The following ZNF595 variants were observed in gnomAD, a reference collection of about 807,000 sequenced individuals.
ZNF595 encodes the protein zinc finger protein 595.
Under a neutral mutation model 19.4 loss-of-function variants are expected in ZNF595, and 9 were observed. The ratio of observed to expected loss-of-function variants is 0.46; its 90% confidence interval spans 0.28 to 0.81. ZNF595 has a LOEUF of 0.81. Ranked by LOEUF, ZNF595 falls within the 30% of genes least tolerant of loss-of-function variation. ZNF595 has a pLI of 0.11. For synonymous variants in ZNF595, 255 were observed against 255.9 expected (o/e 1.00, Z 0.03); for missense variants, 729 against 736.0 (o/e 0.99, Z 0.11).
Position 86,868 on chromosome 4 carries a change from A to C in ZNF595, c.1364A>C (p.Glu455Ala). The C allele has an allele frequency of 1.9e-6, 3 of 1,613,928 alleles. No individual in the cohort carries two copies. Among genetic ancestry groups the C allele is most frequent in the Non-Finnish European group, 2.5e-6 (3 of 1,179,876 alleles). Residue 455 changes from glutamate (E) to alanine (A), a missense_variant, in exon 4 of 4, where the codon GAA (glutamate) becomes GCA (alanine). Glu to Ala is a moderately radical substitution (Grantham distance 107). Around this residue, in one of 2 missense-constraint regions of ZNF595, gnomAD observed 729 missense variants for 675.3 expected, o/e 1.08. Transcript: ENST00000610261. ...IHSGQKPYKC[E>A]ECGKAFTRST... is the part of the protein sequence containing the mutation. ...TCTGGGCAAAAACCTTACAAATGTG[A>C]AGAATGTGGCAAAGCCTTTACACGG...
In ZNF595 at chr4:85,743, C is replaced by T. The variant is rs1714108114; in HGVS notation, c.239C>T (p.Pro80Leu). 1 of 1,569,704 alleles carries T rather than the reference C, an allele frequency of 6.4e-7. No individual in the cohort carries two copies. Among genetic ancestry groups the T allele is most frequent in the Non-Finnish European group, 8.6e-7 (1 of 1,159,322 alleles). Residue 80 changes from proline to leucine, a missense_variant, in exon 4 of 4, where the codon CCT becomes CTT. Pro to Leu is a moderately conservative substitution (Grantham distance 98). This residue lies in a region of ZNF595 where 729 missense variants were observed against 675.3 expected (regional missense o/e 1.08). Transcript: ENST00000610261. ...TAAKPPAICS[P>L]FSQDLSPVQG... ...TTATTTCTTTCAGCTATATGTTCTCCTTTCAGCCAAGACCTTTCACCAGTG... is the reference window on the plus strand; with the variant it reads ...TTATTTCTTTCAGCTATATGTTCTCTTTTCAGCCAAGACCTTTCACCAGTG...
chr4:86,014 G>A lies in ZNF595; in HGVS notation c.510G>A (p.Glu170=). The A allele has an allele frequency of 6.2e-7, 1 of 1,608,750 alleles. No individual in the cohort carries two copies. The highest frequency in any genetic ancestry group is 1.7e-5 in the Admixed American group (1 of 58,918). Reference sequence around the variant, plus strand: ...AACATAAGATAAGACATACTGGAGAGAAACCCTTTAAATGTACAGAATGTG... The same window carrying A: ...AACATAAGATAAGACATACTGGAGAAAAACCCTTTAAATGTACAGAATGTG... ...SNKHKIRHTG[E]KPFKCTECGR... Residue 170 remains glutamate, a synonymous_variant, in exon 4 of 4, where the codon GAG becomes GAA. Transcript: ENST00000610261.
rs782612545 is a variant in ZNF595, at chr4:87,417, A to C, written c.1913A>C (p.His638Pro). ...AFNRPSTLTV[H>P]KRIHTGKEHS ...AATCGGCCCTCAACCCTTACTGTAC[A>C]CAAGCGAATTCATACTGGCAAGGAA... The change falls in exon 4 of 4, where the codon CAC (histidine) becomes CCC (proline). Residue 638 changes from histidine (H) to proline (P), a missense_variant. His to Pro is a moderately conservative substitution (Grantham distance 77, BLOSUM62 -2). Around this residue, in one of 2 missense-constraint regions of ZNF595, gnomAD observed 729 missense variants for 675.3 expected, o/e 1.08. Coordinates refer to ENST00000610261, the MANE Select transcript of ZNF595 (RefSeq NM_182524.4). 1.2e-6 allele frequency: 2 copies of C among 1,605,476 alleles called. No homozygotes were observed. Among genetic ancestry groups the C allele is most frequent in the Non-Finnish European group, 1.7e-6 (2 of 1,175,914 alleles).
intron 3 of ZNF595, among the ~76,000 whole-genome samples, chr4:76,862 C>T (rs901690120): frequency 6.6e-6 from 1 of 152,018 alleles, no homozygotes. Context: ...TTTCTTTTCT[C>T]TTGCTTCTTT....
At chr4:76,670 C>T (rs1339583457) in intron 3 of ZNF595, among the ~76,000 whole-genome samples, 2 of 152,034 alleles carry the variant, frequency 1.3e-5, no homozygotes, top group Non-Finnish European at 2.9e-5. Context: ...GAGAATATCT[C>T]GATTCATATT....
chr4:81,509 G>A (rs954241354), intron 3 of ZNF595, among the ~76,000 whole-genome samples: 3 of 152,054 alleles, frequency 2.0e-5, no homozygotes, highest in East Asian at 1.9e-4. Flanking sequence ...TTCAAAAACC[G>A]TCTTACCACT....
At chr4:82,841 A>G (rs1482159406) in intron 3 of ZNF595, among the ~76,000 whole-genome samples, 2 of 152,126 alleles carry the variant, frequency 1.3e-5, no homozygotes, top group African/African-American at 4.8e-5. Flanking sequence ...ATGGGTATGT[A>G]TTCTGCTTTT....
chr4:74,693 G>A (rs1553798409), intron 3 of ZNF595, among the ~76,000 whole-genome samples: 1 of 152,194 alleles, frequency 6.6e-6, no homozygotes, highest in Admixed American at 6.5e-5. Flanking sequence ...TGGGAAGACT[G>A]GAAGTGAGGA....
rs2108766219 is a variant in ZNF595, at chr4:87,795, A to G, written c.*344A>G. On this transcript the variant is annotated 3_prime_UTR_variant, in exon 4 of 4. Transcript: ENST00000610261. ...GAGCGCAGTGGTGCGATCTTGGCTC[A>G]CTGCAACCTCCACCTGCTGGGTTCA... is the stretch of plus-strand genomic sequence containing the variant. 6.9e-6 allele frequency: 1 copy of G among 145,768 alleles called. No homozygotes were observed. The highest frequency in any genetic ancestry group is 7.8e-5 in the Admixed American group (1 of 12,742). The allele number at this position is 145,768 out of a possible 1,614,324, so 9.0% of individuals were successfully genotyped here.
At position 87,091 on chromosome 4, in the gene ZNF595, T is replaced by C. The variant is rs556059716; in HGVS notation, c.1587T>C (p.Ile529=). Residue 529 remains isoleucine (I), a synonymous_variant, in exon 4 of 4, where the codon ATT becomes ATC. Transcript: ENST00000610261. The part of the protein sequence containing the change: ...QSSGLIIHRS[I]HSEQKLYKCE... ...CAGGCCTTATTATACACAGGAGCATTCATTCTGAACAAAAACTTTACAAAT... is the reference window on the plus strand; with the variant it reads ...CAGGCCTTATTATACACAGGAGCATCCATTCTGAACAAAAACTTTACAAAT... The C allele has an allele frequency of 6.2e-6, 10 of 1,612,504 alleles. No individual in the cohort carries two copies. In the East Asian group the frequency reaches 2.2e-4, roughly 36 times the overall value.
At chr4:74,363 G>T (rs1303781082) in intron 3 of ZNF595, among the ~76,000 whole-genome samples, 12 of 152,152 alleles carry the variant, frequency 7.9e-5, no homozygotes, top group African/African-American at 2.9e-4. Flanking sequence ...TTAGTGCTAT[G>T]CAAGTACATT....
rs1714286282 is a variant in ZNF595, at chr4:87,588, CTATT to C, written c.*138_*141del. On this transcript the variant is annotated 3_prime_UTR_variant, in exon 4 of 4. Coordinates refer to ENST00000610261, the MANE Select transcript of ZNF595 (RefSeq NM_182524.4). ...TTCTGTAGGTACATAGTATGTGTAT[CTATT>C]CATGGCTTATTTGGATTATTTTGAT... 4 of 674,470 alleles carry C rather than the reference CTATT, an allele frequency of 5.9e-6. No homozygotes were observed. The highest frequency in any genetic ancestry group is 7.2e-5 in the South Asian group (2 of 27,926). The allele number at this position is 674,470 out of a possible 1,614,324, so 41.8% of individuals were successfully genotyped here.
At chr4:68,733 C>T (rs1246457632) in intron 3 of ZNF595, among the ~76,000 whole-genome samples, 7 of 152,306 alleles carry the variant, frequency 4.6e-5, no homozygotes, top group South Asian at 2.1e-4. Context: ...TTCATTGCCT[C>T]AACTATTTGT....
At chr4:69,769 C>G (rs560361962) in intron 3 of ZNF595, among the ~76,000 whole-genome samples, 22 of 152,238 alleles carry the variant, frequency 1.4e-4, no homozygotes, top group Admixed American at 9.8e-4. Flanking sequence ...AGCTCTTTAA[C>G]TTGATGTGAT....
chr4:85,859 C>A lies in ZNF595; in HGVS notation c.355C>A (p.Arg119Ser), dbSNP rs782527343. ...TTTACAATTAAGAAAAGGCTGTAAA[C>A]GTGTGAATGAGTGTAAGGTGCAGAA... ...ENLQLRKGCK[R>S]VNECKVQKGV... The change falls in exon 4 of 4, where the codon CGT (arginine) becomes AGT (serine). Residue 119 changes from arginine to serine, a missense_variant. Transcript: ENST00000610261. 1 of 1,613,974 alleles carries A rather than the reference C, an allele frequency of 6.2e-7. No individual in the cohort carries two copies.
chr4:81,748 A>G (rs78939693), intron 3 of ZNF595, among the ~76,000 whole-genome samples: 5 of 152,166 alleles, frequency 3.3e-5, no homozygotes, highest in South Asian at 2.1e-4. Context: ...TTTAGAGTCA[A>G]ACTGCTTTAG....
chr4:54,815 G>A (rs1450481590), intron 1 of ZNF595, among the ~76,000 whole-genome samples: 20 of 146,882 alleles, frequency 1.4e-4, no homozygotes, highest in African/African-American at 4.3e-4. Flanking sequence ...GAATCAGAGC[G>A]TAGCCCTGCC....
intron 3 of ZNF595, among the ~76,000 whole-genome samples, chr4:60,728 C>T (rs1188956650): frequency 2.0e-5 from 3 of 152,022 alleles, no homozygotes; most frequent in African/African-American, 4.8e-5. Context: ...ATTTTTAATC[C>T]TGTAGAGGTT....
chr4:81,245 T>TGTACACTAA (rs1186171119), intron 3 of ZNF595, among the ~76,000 whole-genome samples: 1 of 152,222 alleles, frequency 6.6e-6, no homozygotes, highest in African/African-American at 2.4e-5. Flanking sequence ...TATTTCACTG[T>TGTACACTAA]GTACACTAAG....
Sources: allele counts gnomAD v4.1 joint callset (sites outside exome capture counted in the v4.1 genomes callset), GRCh38; gene constraint gnomAD v4.1.1; regional missense constraint gnomAD v4.1.1; transcripts MANE v1.5; gene names NCBI Gene and HGNC (gene_info 2026-07-23, HGNC 2026-07-21).